The following DCAF8 variants were observed in gnomAD, a reference collection of about 807,000 sequenced individuals.
DCAF8 encodes DDB1 and CUL4 associated factor 8.
Under a neutral mutation model 68.0 loss-of-function variants are expected in DCAF8, and 20 were observed. The observed-to-expected ratio is 0.29, with a 90% CI of 0.21 to 0.43. DCAF8 has a LOEUF of 0.43. Among genes scored for constraint, DCAF8 ranks in the 20% least tolerant of loss-of-function variants. The pLI, the probability that DCAF8 is intolerant of heterozygous loss-of-function variation, is 1.00. For synonymous variants in DCAF8, 230 were observed against 276.9 expected, an observed-to-expected ratio of 0.83 and a Z score of 1.68; for missense variants, 460 against 771.0, an observed-to-expected ratio of 0.60 and a Z score of 4.78.
chr1:160,255,044 C>A (rs887673409), intron 2 of DCAF8, among the ~76,000 whole-genome samples: 6 of 152,190 alleles, frequency 3.9e-5, no homozygotes, highest in Non-Finnish European at 8.8e-5. Flanking sequence ...CTATACCAGA[C>A]TACATTTCCT....
chr1:160,239,554 T>A (rs912557054), intron 4 of DCAF8, 143 bp downstream of exon 4: 1 of 1,574,670 alleles, frequency 6.4e-7, no homozygotes, highest in African/African-American at 1.3e-5. Context: ...TGTATTTAGG[T>A]CATTAGGGGA....
chr1:160,238,570 T>C, intron 5 of DCAF8, 37 bp downstream of exon 5: 1 of 1,562,074 alleles, frequency 6.4e-7, no homozygotes, highest in Non-Finnish European at 8.7e-7. Context: ...CACAGAGGAT[T>C]TGGATTGCAC....
chr1:160,253,337 G>GA, intron 2 of DCAF8, among the ~76,000 whole-genome samples: 1 of 151,986 alleles, frequency 6.6e-6, no homozygotes, highest in South Asian at 2.1e-4. Context: ...CCTGTCTCTA[G>GA]AAAAAATTTA....
chr1:160,243,488 C>G (rs1264602103), intron 3 of DCAF8, among the ~76,000 whole-genome samples: 1 of 151,044 alleles, frequency 6.6e-6, no homozygotes, highest in Non-Finnish European at 1.5e-5. Flanking sequence ...AAGCGATCTG[C>G]CTGTCTCAGC....
In DCAF8 at chr1:160,215,806, T is replaced by C. The variant is rs568739519; in HGVS notation, c.*1786A>G. On this transcript the variant is annotated 3_prime_UTR_variant, in exon 14 of 14. Coordinates refer to ENST00000368074, the MANE Select transcript of DCAF8 (RefSeq NM_015726.4). ...GCCCACCCTATCACCCCACCAGCAA[T>C]AGGAACACAGACCACTCGATCACCA... 2.0e-5 allele frequency: 3 copies of C among 152,146 alleles called. No individual in the cohort carries two copies. The highest frequency in any genetic ancestry group is 1.3e-4 in the Admixed American group (2 of 15,298). 9.4% of individuals were successfully genotyped at this position (152,146 alleles called of 1,614,324 possible).
intron 3 of DCAF8, 104 bp from the exon 4 acceptor site, chr1:160,240,474 A>G (rs1656068451): frequency 1.8e-6 from 2 of 1,109,372 alleles, no homozygotes; most frequent in Admixed American, 2.5e-5. Flanking sequence ...CAAAAAATGA[A>G]CTTTGGTCCA....
chr1:160,237,492 G>C (rs1441265827), intron 5 of DCAF8, among the ~76,000 whole-genome samples: 1 of 152,176 alleles, frequency 6.6e-6, no homozygotes, highest in Non-Finnish European at 1.5e-5. Flanking sequence ...CAAGAGATAT[G>C]AACAGATAGC....
At chr1:160,258,936 C>T (rs1656948276) in intron 2 of DCAF8, among the ~76,000 whole-genome samples, 2 of 152,314 alleles carry the variant, frequency 1.3e-5, no homozygotes, top group East Asian at 1.9e-4. Context: ...CTTCACCCGA[C>T]ATGGATCTTC....
chr1:160,244,453 T>C (rs1227822212), intron 2 of DCAF8, among the ~76,000 whole-genome samples: 1 of 152,174 alleles, frequency 6.6e-6, no homozygotes, highest in Non-Finnish European at 1.5e-5. Context: ...ATAAGTGACA[T>C]ATGTATCCTC....
chr1:160,246,192 T>G (rs1001166410), intron 2 of DCAF8, among the ~76,000 whole-genome samples: 1 of 151,826 alleles, frequency 6.6e-6, no homozygotes, highest in African/African-American at 2.4e-5. Flanking sequence ...AGCAGACCAG[T>G]GTAACATGAA....
intron 2 of DCAF8, among the ~76,000 whole-genome samples, chr1:160,253,374 C>T (rs766259418): frequency 5.3e-5 from 8 of 151,722 alleles, no homozygotes; most frequent in Non-Finnish European, 1.2e-4. Flanking sequence ...CAGTGGCTGA[C>T]GTCTAAGTGA....
chr1:160,241,794 A>T (rs934417508), intron 3 of DCAF8, among the ~76,000 whole-genome samples: 8 of 152,232 alleles, frequency 5.3e-5, no homozygotes, highest in Non-Finnish European at 1.0e-4. Flanking sequence ...TAAGGATTCA[A>T]AGGTGGAGCA....
At chr1:160,220,797 C>T (rs537311878) in intron 11 of DCAF8, 5 of 152,344 alleles carry the variant, frequency 3.3e-5, no homozygotes, top group African/African-American at 1.2e-4. Context: ...TTCTACGTTA[C>T]AATTACATTC....
rs1215861696 is a variant in DCAF8 at position 160,243,952 on chromosome 1, C to T, written c.49+8G>A. ...AAAAATAGCTTCACCTTCATTTTGGCCCCTTACCATTAGCTAAGTCTGTTC... is the reference window on the plus strand; with the variant it reads ...AAAAATAGCTTCACCTTCATTTTGGTCCCTTACCATTAGCTAAGTCTGTTC... On this transcript the variant is annotated splice_region_variant and intron_variant, in intron 3 of 13. Transcript: ENST00000368074. The T allele has an allele frequency of 1.2e-6, 2 of 1,613,832 alleles. No individual in the cohort carries two copies. The highest frequency in any genetic ancestry group is 1.7e-5 in the Admixed American group (1 of 59,966).
intron 6 of DCAF8, among the ~76,000 whole-genome samples, chr1:160,235,188 C>T (rs930718612): frequency 4.0e-5 from 6 of 151,712 alleles, no homozygotes; most frequent in Admixed American, 1.3e-4. Flanking sequence ...GGCTGGAGTA[C>T]AGTGGCATGA....
At chr1:160,223,240 G>C (rs1482969107) in intron 10 of DCAF8, among the ~76,000 whole-genome samples, 1 of 152,214 alleles carries the variant, frequency 6.6e-6, no homozygotes, top group Non-Finnish European at 1.5e-5. Flanking sequence ...ATCTGTGCTT[G>C]CTACCATTAA....
In DCAF8 at chr1:160,262,290, G is replaced by C. The variant is rs1016190496; in HGVS notation, c.-101+159C>G. ...GAGACACAGACCGGGTAGGTCAAGG[G>C]AGGGGGGGTGTCCGGCTGGGGCAGT... On this transcript the variant is annotated intron_variant, in intron 1 of 13. Coordinates refer to ENST00000368074, the MANE Select transcript of DCAF8 (RefSeq NM_015726.4). The C allele has an allele frequency of 3.0e-5, 12 of 399,334 alleles. No homozygotes were observed. The South Asian group carries it at 3.8e-4, about 13-fold the overall frequency. 24.7% of individuals were successfully genotyped at this position (399,334 alleles called of 1,614,324 possible).
At chr1:160,217,884 C>T in intron 13 of DCAF8, 176 bp from the exon 14 acceptor site, 2 of 560,502 alleles carry the variant, frequency 3.6e-6, no homozygotes, top group Non-Finnish European at 6.3e-6. Flanking sequence ...AACTATTCAA[C>T]TCATTGTAGC....
Position 160,240,032 on chromosome 1 carries a change from A to G in DCAF8, c.388T>C (p.Ser130Pro), listed in dbSNP as rs768081133. 1.0e-4 allele frequency: 167 copies of G among 1,614,102 alleles called. No individual in the cohort carries two copies. Among genetic ancestry groups the G allele is most frequent in the Non-Finnish European group, 1.4e-4 (163 of 1,180,044 alleles). Residue 130 changes from serine (S) to proline (P), a missense_variant, in exon 4 of 14, where the codon TCA becomes CCA. Around this residue, in one of 8 missense-constraint regions of DCAF8, gnomAD observed 156 missense variants for 181.4 expected, o/e 0.86. Coordinates refer to ENST00000368074, the MANE Select transcript of DCAF8 (RefSeq NM_015726.4). Reference sequence around the variant, plus strand: ...TCCTCTAGGGCCCGCTCATCATCTGATGAGTCCTGGTCACGGTTAGCCCGC... The same window carrying G: ...TCCTCTAGGGCCCGCTCATCATCTGGTGAGTCCTGGTCACGGTTAGCCCGC... ...RKRANRDQDSSDDERALEDWV... is the reference protein window; with the variant it reads ...RKRANRDQDSPDDERALEDWV...
Sources: allele counts gnomAD v4.1 joint callset (sites outside exome capture counted in the v4.1 genomes callset), GRCh38; gene constraint gnomAD v4.1.1; regional missense constraint gnomAD v4.1.1; transcripts MANE v1.5; gene names NCBI Gene and HGNC (gene_info 2026-07-23, HGNC 2026-07-21).